The following COL6A3 variants were observed in gnomAD, a reference collection of about 807,000 sequenced individuals.
COL6A3 encodes collagen type VI alpha 3 chain.
COL6A3 carries 137 observed loss-of-function variants against 274.1 expected under a neutral mutation model. That is an observed-to-expected ratio of 0.50 (90% CI 0.44 to 0.58). The LOEUF is 0.58. COL6A3 is among the 20% of genes least tolerant of loss of function. COL6A3 has a pLI of 0.00. For synonymous variants in COL6A3, 1,650 were observed against 1,650.6 expected (o/e 1.00, Z 0.01); for missense variants, 3,950 against 4,124.9 (o/e 0.96, Z 1.16).
Position 237,371,541 on chromosome 2 carries a change from T to G in COL6A3, c.4285+191A>C. 119 of 1,271,830 alleles carry G rather than the reference T, an allele frequency of 9.4e-5. No homozygotes were observed. Among genetic ancestry groups the G allele is most frequent in the Non-Finnish European group, 1.1e-4 (108 of 970,388 alleles). 78.8% of individuals were successfully genotyped at this position (1,271,830 alleles called of 1,614,324 possible). ...GGATCCCAGAAGGCAGAGGTTAAAATGAGTTATGATCATGCCACTGCACTC... is the reference window on the plus strand; with the variant it reads ...GGATCCCAGAAGGCAGAGGTTAAAAGGAGTTATGATCATGCCACTGCACTC... On this transcript the variant is annotated intron_variant, in intron 9 of 43. Coordinates refer to ENST00000295550, the MANE Select transcript of COL6A3 (RefSeq NM_004369.4). This position sits in a 1 kb window ranked among gnomAD's most constrained non-coding sequence, Gnocchi z 4.3.
rs765527121 is a variant in COL6A3, at chr2:237,394,635, C to A, written c.661G>T (p.Val221Leu). The A allele has an allele frequency of 8.1e-6, 13 of 1,614,020 alleles. No homozygotes were observed. The highest frequency in any genetic ancestry group is 1.1e-5 in the South Asian group (1 of 91,076). ...GNLVSCVHSS[V>L]SPERAGDTET... ...GTGTCCCCAGCCCTTTCTGGACTCA[C>A]GGATGAATGCACACAGGACACTAAG... The change falls in exon 3 of 44, where the codon GTG becomes TTG. Residue 221 changes from valine to leucine, a missense_variant. This residue lies in a region of COL6A3 where 1,934 missense variants were observed against 1,984.3 expected (regional missense o/e 0.97). Transcript: ENST00000295550.
rs919167910 is a variant in COL6A3, at chr2:237,361,474, A to T, written c.6156+265T>A. Among the ~76,000 whole-genome samples, 1 of 152,182 alleles carries T rather than the reference A, an allele frequency of 6.6e-6. No individual in the cohort carries two copies. Among genetic ancestry groups the T allele is most frequent in the African/African-American group, 2.4e-5 (1 of 41,448 alleles). On this transcript the variant is annotated intron_variant, in intron 15 of 43. Transcript: ENST00000295550. The surrounding 1 kb of genome is among the most constrained non-coding windows in gnomAD (Gnocchi z 5.1). ...CGCCAGCTGCCTTTAACATTATTTT[A>T]TGAAATGAAGGACCAAGCTGTTAAA...
chr2:237,346,900 G>A (rs112563284), intron 31 of COL6A3, among the ~76,000 whole-genome samples: 4 of 151,772 alleles, frequency 2.6e-5, no homozygotes, highest in African/African-American at 9.7e-5. Context: ...TAGCTAATGC[G>A]TTCAGTGTAG....
chr2:237,333,952 A>C (rs746784742), intron 41 of COL6A3, among the ~76,000 whole-genome samples: 6 of 152,190 alleles, frequency 3.9e-5, no homozygotes, highest in Non-Finnish European at 8.8e-5. Context: ...AGAAAAGAGG[A>C]GCCTTCCCTT....
intron 14 of COL6A3, among the ~76,000 whole-genome samples, chr2:237,362,986 G>A (rs764988984): frequency 6.6e-6 from 1 of 152,222 alleles, no homozygotes; most frequent in South Asian, 2.1e-4. Flanking sequence ...TGCTAAGGGA[G>A]CAGAGAAAAT....
At chr2:237,393,276 T>C (rs1017486521) in intron 3 of COL6A3, among the ~76,000 whole-genome samples, 2 of 152,344 alleles carry the variant, frequency 1.3e-5, no homozygotes, top group Non-Finnish European at 1.5e-5. Context: ...TAATCTCTGA[T>C]AGCAACTGGA....
chr2:237,383,327 G>A (rs2078058502), intron 4 of COL6A3, among the ~76,000 whole-genome samples: 1 of 152,198 alleles, frequency 6.6e-6, no homozygotes, highest in Non-Finnish European at 1.5e-5. Context: ...GTAACAATGT[G>A]TGCAGAACAT....
At chr2:237,375,903 A>C (rs2106362998) in intron 7 of COL6A3, among the ~76,000 whole-genome samples, 1 of 152,372 alleles carries the variant, frequency 6.6e-6, no homozygotes, top group South Asian at 2.1e-4. Flanking sequence ...GGAAACTAAT[A>C]CACCAATATA....
rs141540269 is a variant in COL6A3 at position 237,398,311 on chromosome 2, G to A, written c.-30-1464C>T. Among the ~76,000 whole-genome samples the A allele has an allele frequency of 8.5e-3, 1,287 of 152,280 alleles. 5 individuals carry two copies. Among genetic ancestry groups the A allele is most frequent in the Non-Finnish European group, 0.014 (958 of 68,012 alleles). Reference sequence around the variant, plus strand: ...CCATACCCACGCGCCTCTGGGGGCCGCACACATGATGCCCCACCAGCCAAG... The same window carrying A: ...CCATACCCACGCGCCTCTGGGGGCCACACACATGATGCCCCACCAGCCAAG... On this transcript the variant is annotated intron_variant, in intron 1 of 43. Coordinates refer to ENST00000295550, the MANE Select transcript of COL6A3 (RefSeq NM_004369.4).
At position 237,336,425 on chromosome 2, in the gene COL6A3, G is replaced by A; in HGVS notation, c.8675C>T (p.Thr2892Ile). ...TATAATAGTCACAGGCTTTGTTGTG[G>A]TGGTTACAGGCTTTGTTGTGGTGGT... ...PVTTTTKPVT[T>I]TTKPVTIINQ... The change falls in exon 40 of 44, where the codon ACC (threonine) becomes ATC (isoleucine). Residue 2892 changes from threonine (T) to isoleucine (I), a missense_variant. Thr to Ile is a moderately conservative substitution (Grantham distance 89, BLOSUM62 -1). Around this residue, in one of 5 missense-constraint regions of COL6A3, gnomAD observed 1,284 missense variants for 1,349.7 expected, o/e 0.95. Transcript: ENST00000295550. 1 of 1,613,560 alleles carries A rather than the reference G, an allele frequency of 6.2e-7. No individual in the cohort carries two copies.
chr2:237,399,894 T>A (rs574857222), intron 1 of COL6A3, among the ~76,000 whole-genome samples: 1 of 152,230 alleles, frequency 6.6e-6, no homozygotes, highest in South Asian at 2.1e-4. Flanking sequence ...TGTGACCAAG[T>A]GAGAGAATTA....
chr2:237,376,649 AT>A, intron 7 of COL6A3, 122 bp downstream of exon 7: 1 of 973,040 alleles, frequency 1.0e-6, no homozygotes. Context: ...CAGGTGATTA[AT>A]TTTCCACCTT....
Position 237,410,063 on chromosome 2 carries a change from A to G in COL6A3, c.-31+3890T>C, listed in dbSNP as rs555741702. The stretch of plus-strand genomic sequence containing the variant: ...TCCGTTATTATGAACAGCCACAATA[A>G]ATATAATAATGACAATCATGTATTG... On this transcript the variant is annotated intron_variant, in intron 1 of 43. Transcript: ENST00000295550. 9.7e-4 allele frequency among the ~76,000 whole-genome samples: 148 copies of G among 152,252 alleles called. 1 individual carries two copies. The highest frequency in any genetic ancestry group is 3.1e-3 in the Admixed American group (47 of 15,290).
At chr2:237,355,223 T>A (rs1031735735) in intron 23 of COL6A3, 1 of 437,272 alleles carries the variant, frequency 2.3e-6, no homozygotes, top group African/African-American at 2.0e-5. Context: ...CCAAGCAAAA[T>A]AATGACTCCT....
chr2:237,324,530 A>T lies in COL6A3; in HGVS notation c.*244T>A. 2.0e-6 allele frequency: 1 copy of T among 508,642 alleles called. No individual in the cohort carries two copies. 31.5% of individuals were successfully genotyped at this position (508,642 alleles called of 1,614,324 possible). A position where few individuals can be genotyped will look rare whatever the true frequency, so the allele number is the denominator to read the frequency against. On this transcript the variant is annotated 3_prime_UTR_variant, in exon 44 of 44. Coordinates refer to ENST00000295550, the MANE Select transcript of COL6A3 (RefSeq NM_004369.4). ...GTTCACATAAACACCAGCAGTGGCT[A>T]ACTGTTACACAACATTCAAAGTATT...
In COL6A3 at chr2:237,377,017, T is replaced by C. The variant is rs764635859; in HGVS notation, c.2825A>G (p.Gln942Arg). The C allele has an allele frequency of 1.2e-6, 2 of 1,614,098 alleles. No individual in the cohort carries two copies. The highest frequency in any genetic ancestry group is 2.2e-5 in the South Asian group (2 of 91,088). The change falls in exon 7 of 44, where the codon CAG (glutamine) becomes CGG (arginine). Residue 942 changes from glutamine to arginine, a missense_variant. Gln to Arg is a conservative substitution (Grantham distance 43, BLOSUM62 1). Coordinates refer to ENST00000295550, the MANE Select transcript of COL6A3 (RefSeq NM_004369.4). ...TCCTGCGACCAGCAGCACCAGGAACTGAAGCACTCCATCCTCGATCCGGCT... is the reference window on the plus strand; with the variant it reads ...TCCTGCGACCAGCAGCACCAGGAACCGAAGCACTCCATCCTCGATCCGGCT... The part of the protein sequence containing the change: ...AGSRIEDGVL[Q>R]FLVLLVAGRS...
intron 16 of COL6A3, 75 bp from the exon 17 acceptor site, chr2:237,360,234 T>C (rs2077404626): frequency 7.2e-7 from 1 of 1,397,886 alleles, no homozygotes; most frequent in African/African-American, 1.4e-5. Context: ...TGCAGCAGCG[T>C]AAAGGGTACT....
rs777465480 is a variant in COL6A3 at position 237,396,807 on chromosome 2, T to A, written c.11A>T (p.His4Leu). The A allele has an allele frequency of 6.8e-6, 11 of 1,614,194 alleles. No homozygotes were observed. The highest frequency in any genetic ancestry group is 1.3e-5 in the African/African-American group (1 of 75,052). Reference sequence around the variant, plus strand: ...GACGGCCACTAAGGGCAAGTGCCGATGTTTCCTCATTTTGAATTTGTCTAA... The same window carrying A: ...GACGGCCACTAAGGGCAAGTGCCGAAGTTTCCTCATTTTGAATTTGTCTAA... MRKHRHLPLVAVFC... is the reference protein window; with the variant it reads MRKLRHLPLVAVFC... The change falls in exon 2 of 44, where the codon CAT becomes CTT. Residue 4 changes from histidine to leucine, a missense_variant. By Grantham distance (99) the His-to-Leu change is moderately conservative. This residue lies in a region of COL6A3 where 1,934 missense variants were observed against 1,984.3 expected (regional missense o/e 0.97). Coordinates refer to ENST00000295550, the MANE Select transcript of COL6A3 (RefSeq NM_004369.4).
intron 39 of COL6A3, among the ~76,000 whole-genome samples, chr2:237,338,441 T>G (rs1700658897): frequency 6.6e-6 from 1 of 152,102 alleles, no homozygotes; most frequent in Non-Finnish European, 1.5e-5. Flanking sequence ...CAAACAAAAA[T>G]TGCTAACCCA....
Sources: allele counts gnomAD v4.1 joint callset (sites outside exome capture counted in the v4.1 genomes callset), GRCh38; gene constraint gnomAD v4.1.1; regional missense constraint gnomAD v4.1.1; non-coding constraint Gnocchi (gnomAD v3.1); transcripts MANE v1.5; gene names NCBI Gene and HGNC (gene_info 2026-07-23, HGNC 2026-07-21).